Variants in PHKB observed in about 807,000 individuals in gnomAD.
PHKB encodes the protein phosphorylase b kinase regulatory subunit beta.
In PHKB, 122 loss-of-function variants were observed where a neutral mutation model predicts 152.1. The observed-to-expected ratio is 0.80, with a 90% CI of 0.69 to 0.93. PHKB has a LOEUF of 0.93. Among genes scored for constraint, PHKB ranks in the 40% least tolerant of loss-of-function variants. The pLI is 0.00. For missense variants in PHKB, 1,304 were observed against 1,328.4 expected (o/e 0.98, Z 0.29); for synonymous variants, 436 against 464.9 (o/e 0.94, Z 0.80).
At chr16:47,607,654 T>G (rs1972350704) in intron 13 of PHKB, among the ~76,000 whole-genome samples, 2 of 152,334 alleles carry the variant, frequency 1.3e-5, no homozygotes, top group South Asian at 4.1e-4. Flanking sequence ...TTATATAAAA[T>G]TATTGTTTAA....
At chr16:47,499,566 G>A (rs953135262) in intron 2 of PHKB, among the ~76,000 whole-genome samples, 190 bp from the exon 3 acceptor site, 2 of 152,204 alleles carry the variant, frequency 1.3e-5, no homozygotes, top group African/African-American at 2.4e-5. Flanking sequence ...ATTTCTTTAT[G>A]TAGGGTGGAT....
At chr16:47,683,095 A>C (rs1973893661) in intron 26 of PHKB, among the ~76,000 whole-genome samples, 1 of 152,150 alleles carries the variant, frequency 6.6e-6, no homozygotes, top group South Asian at 2.1e-4. Flanking sequence ...GGTGAACCGC[A>C]AATGCTGCTG....
chr16:47,598,694 C>T (rs1972166127), intron 13 of PHKB: 2 of 1,564,822 alleles, frequency 1.3e-6, no homozygotes, highest in Admixed American at 3.3e-5. Context: ...GGCTCTTCCA[C>T]TAATGGCGCC....
chr16:47,533,481 A>G (rs1426087670), intron 6 of PHKB, among the ~76,000 whole-genome samples: 3 of 152,156 alleles, frequency 2.0e-5, no homozygotes, highest in Non-Finnish European at 4.4e-5. Flanking sequence ...CCTGCAGGCC[A>G]GTGCCAGGCC....
chr16:47,656,268 C>T (rs556247903), intron 20 of PHKB, among the ~76,000 whole-genome samples: 1 of 152,334 alleles, frequency 6.6e-6, no homozygotes, highest in South Asian at 2.1e-4. Flanking sequence ...CCACCCGCCT[C>T]AGCCTCCGCA....
chr16:47,604,770 C>A (rs1048843283), intron 13 of PHKB, among the ~76,000 whole-genome samples: 2 of 151,882 alleles, frequency 1.3e-5, no homozygotes, highest in South Asian at 2.1e-4. Flanking sequence ...ATTTTATAAA[C>A]CTTCTGTGAA....
chr16:47,680,531 T>G (rs1459505458), intron 26 of PHKB, among the ~76,000 whole-genome samples: 1 of 152,254 alleles, frequency 6.6e-6, no homozygotes. Flanking sequence ...ATCCATTTCT[T>G]CTAGATTTTC....
chr16:47,478,987 G>T (rs1969918467), intron 1 of PHKB, among the ~76,000 whole-genome samples: 1 of 152,086 alleles, frequency 6.6e-6, no homozygotes, highest in East Asian at 1.9e-4. Flanking sequence ...TTTTGGTGTT[G>T]GTTTTATGCT....
chr16:47,647,638 C>T (rs1161847496), intron 16 of PHKB, among the ~76,000 whole-genome samples: 1 of 151,900 alleles, frequency 6.6e-6, no homozygotes, highest in Non-Finnish European at 1.5e-5. Flanking sequence ...GCTGGGACTA[C>T]AGGCACCCGC....
At chr16:47,462,005 T>C (rs9328591) in intron 1 of PHKB, 17,667 of 152,862 alleles carry the variant, frequency 0.12, 2,234 homozygotes, top group African/African-American at 0.32. Flanking sequence ...GAAAAGGGCT[T>C]CTTAAGTGGC....
At chr16:47,627,877 T>A (rs1305500770) in intron 14 of PHKB, among the ~76,000 whole-genome samples, 1 of 152,206 alleles carries the variant, frequency 6.6e-6, no homozygotes, top group Non-Finnish European at 1.5e-5. Flanking sequence ...ACTTGGCTTC[T>A]ATGGGAAAAA....
intron 1 of PHKB, among the ~76,000 whole-genome samples, chr16:47,477,690 C>T (rs188528757): frequency 6.6e-6 from 1 of 152,340 alleles, no homozygotes; most frequent in East Asian, 1.9e-4. Flanking sequence ...CTGTGGACAG[C>T]ATCTCCAAGG....
intron 1 of PHKB, among the ~76,000 whole-genome samples, chr16:47,495,901 G>C (rs1416324528): frequency 1.3e-5 from 2 of 152,042 alleles, no homozygotes; most frequent in Non-Finnish European, 2.9e-5. Flanking sequence ...TCTTCTTTTC[G>C]CTCAGAGCAA....
chr16:47,670,024 G>A (rs1488552155), intron 26 of PHKB, among the ~76,000 whole-genome samples: 1 of 152,196 alleles, frequency 6.6e-6, no homozygotes, highest in Admixed American at 6.5e-5. Context: ...TGTTGTCTCA[G>A]TAACCTTGGG....
At position 47,596,420 on chromosome 16, in the gene PHKB, G is replaced by A; in HGVS notation, c.1252G>A (p.Glu418Lys). The A allele has an allele frequency of 1.2e-6, 2 of 1,611,752 alleles. No homozygotes were observed. The highest frequency in any genetic ancestry group is 1.7e-6 in the Non-Finnish European group (2 of 1,177,922). Residue 418 changes from glutamate (E) to lysine (K), a missense_variant, in exon 13 of 31, where the codon GAA (glutamate) becomes AAA (lysine). By Grantham distance (56) the Glu-to-Lys change is moderately conservative. Transcript: ENST00000323584. ...CTATTATGTGCCAGCTGACTTTGTA[G>A]AATATGAAAAAAATAACCCTGGTAG... ...KYYYVPADFV[E>K]YEKNNPGSQK...
intron 29 of PHKB, among the ~76,000 whole-genome samples, chr16:47,698,136 G>C (rs1974182888): frequency 6.6e-6 from 1 of 152,180 alleles, no homozygotes; most frequent in South Asian, 2.1e-4. Flanking sequence ...AAAGAGTTCA[G>C]ACACTTTGGG....
chr16:47,531,988 GAGAGAAGA>G (rs1296064374), intron 6 of PHKB, among the ~76,000 whole-genome samples: 1 of 152,194 alleles, frequency 6.6e-6, no homozygotes, highest in Non-Finnish European at 1.5e-5. Flanking sequence ...GCCAAGACTT[GAGAGAAGA>G]CATTTGTAAC....
chr16:47,590,088 C>A (rs1972002376), intron 10 of PHKB, among the ~76,000 whole-genome samples: 1 of 152,146 alleles, frequency 6.6e-6, no homozygotes, highest in African/African-American at 2.4e-5. Context: ...CTGTGCCTGG[C>A]TGAAAGGTAT....
In PHKB at chr16:47,621,168, T is replaced by A. The variant is rs1972610987; in HGVS notation, c.1458+10248T>A. 1.3e-5 allele frequency among the ~76,000 whole-genome samples: 2 copies of A among 152,194 alleles called. 1 individual carries two copies. The highest frequency in any genetic ancestry group is 4.1e-4 in the South Asian group (2 of 4,824). On this transcript the variant is annotated intron_variant, in intron 14 of 30. Coordinates refer to ENST00000323584, the MANE Select transcript of PHKB (RefSeq NM_000293.3). ...GGCTGGGTTTAATTCGTAAATCCCC[T>A]TCCAGCGCTTCTGTTGCTGGCTTCC... is the stretch of plus-strand genomic sequence containing the variant.
Sources: gnomAD v4.1 joint callset for allele counts (sites outside exome capture counted in the v4.1 genomes callset) on GRCh38, gnomAD v4.1.1 for gene constraint, MANE v1.5 for transcripts, NCBI Gene and HGNC (gene_info 2026-07-23, HGNC 2026-07-21) for gene names.